Variants in PARD3 observed in about 807,000 individuals in gnomAD.
The protein encoded by PARD3 is partitioning defective 3 homolog.
In PARD3, 75 loss-of-function variants were observed where a neutral mutation model predicts 155.4. The observed-to-expected ratio is 0.48, with a 90% CI of 0.40 to 0.58. The LOEUF (loss-of-function observed/expected upper bound fraction) is 0.58, where lower values mean the gene tolerates loss of function less well. Ranked by LOEUF, PARD3 falls within the 20% of genes least tolerant of loss-of-function variation. PARD3 has a pLI of 0.00. For missense variants in PARD3, 1,642 were observed against 1,721.7 expected (o/e 0.95, Z 0.82); for synonymous variants, 576 against 610.5 (o/e 0.94, Z 0.83).
intron 2 of PARD3, among the ~76,000 whole-genome samples, chr10:34,589,883 T>C (rs1206691487): frequency 6.6e-6 from 1 of 152,150 alleles, no homozygotes; most frequent in South Asian, 2.1e-4. Context: ...ACAGTATTTA[T>C]TCATAATTTC....
At chr10:34,771,399 C>T (rs1054899653) in intron 1 of PARD3, among the ~76,000 whole-genome samples, 1 of 152,140 alleles carries the variant, frequency 6.6e-6, no homozygotes, top group African/African-American at 2.4e-5. Flanking sequence ...AGGGGTCCCA[C>T]GTGTAGCATA....
At chr10:34,182,742 TAA>T (rs11406207) in intron 22 of PARD3, among the ~76,000 whole-genome samples, 73 of 133,342 alleles carry the variant, frequency 5.5e-4, no homozygotes, top group South Asian at 5.0e-4. Flanking sequence ...CTACATTTCT[TAA>T]AAAAAAAAAA....
rs147606879 is a variant in PARD3 at position 34,607,882 on chromosome 10, C to A, written c.222+88436G>T. On this transcript the variant is annotated intron_variant, in intron 2 of 24. Transcript: ENST00000374788. ...TCAGAGCAGGCTTTGTGGATACCAC[C>A]CACCCTGGCATCAGCACAGATCTCC... is the stretch of plus-strand genomic sequence containing the variant. Among the ~76,000 whole-genome samples, 21 of 152,210 alleles carry A rather than the reference C, an allele frequency of 1.4e-4. 1 individual carries two copies. The highest frequency in any genetic ancestry group is 5.1e-4 in the African/African-American group (21 of 41,548).
In PARD3 at chr10:34,401,887, G is replaced by C. The variant is rs752134259; in HGVS notation, c.745C>G (p.Arg249Gly). 2 of 1,613,588 alleles carry C rather than the reference G, an allele frequency of 1.2e-6. No individual in the cohort carries two copies. The highest frequency in any genetic ancestry group is 2.2e-5 in the South Asian group (2 of 91,070). ...TCAGCATGTCCAACAGGTTCAACAC[G>C]ACTGTTATCCTCTTCTGTCCCATCC... ...DEDGTEEDNS[R>G]VEPVGHADTG... Residue 249 changes from arginine (R) to glycine (G), a missense_variant, in exon 6 of 25, where the codon CGT becomes GGT. Physicochemically the swap from Arg to Gly is moderately radical, Grantham distance 125. Around this residue, in one of 3 missense-constraint regions of PARD3, gnomAD observed 1,529 missense variants for 1,587.3 expected, o/e 0.96. Transcript: ENST00000374788.
In PARD3 at chr10:34,246,959, T is replaced by C. The variant is rs140192834; in HGVS notation, c.3419+22698A>G. ...CAATGAAGCCAGGTGTGGTGGTGCA[T>C]GCCTGTAGTCCCAGCTACTCAGGAG... On this transcript the variant is annotated intron_variant, in intron 22 of 24. Coordinates refer to ENST00000374788, the MANE Select transcript of PARD3 (RefSeq NM_001184785.2). Among the ~76,000 whole-genome samples the C allele has an allele frequency of 4.0e-3, 607 of 152,180 alleles. 3 individuals are homozygous for C. Among genetic ancestry groups the C allele is most frequent in the African/African-American group, 0.014 (581 of 41,520 alleles).
chr10:34,480,466 G>T (rs926264257), intron 3 of PARD3, among the ~76,000 whole-genome samples: 1 of 152,102 alleles, frequency 6.6e-6, no homozygotes. Flanking sequence ...ACAAACTCCT[G>T]GCCTCAAAGT....
At chr10:34,761,832 CA>C (rs1234586141) in intron 1 of PARD3, among the ~76,000 whole-genome samples, 1 of 151,810 alleles carries the variant, frequency 6.6e-6, no homozygotes, top group Non-Finnish European at 1.5e-5. Flanking sequence ...GTACAGCCAC[CA>C]AAAAAATTAT....
At chr10:34,204,200 G>A (rs1429097896) in intron 22 of PARD3, among the ~76,000 whole-genome samples, 2 of 152,154 alleles carry the variant, frequency 1.3e-5, no homozygotes, top group African/African-American at 4.8e-5. Flanking sequence ...AGTACCGTGT[G>A]GAACCTCTAT....
chr10:34,728,340 C>T (rs568026130), intron 1 of PARD3, among the ~76,000 whole-genome samples: 7 of 152,236 alleles, frequency 4.6e-5, no homozygotes, highest in East Asian at 3.9e-4. Context: ...AGGATTCTGA[C>T]GCTAAATGTC....
At chr10:34,397,467 A>G (rs1564667100) in intron 7 of PARD3, among the ~76,000 whole-genome samples, 2 of 152,210 alleles carry the variant, frequency 1.3e-5, no homozygotes, top group Non-Finnish European at 2.9e-5. Flanking sequence ...TGCCAAACTA[A>G]TAGGGCTTAA....
Position 34,637,678 on chromosome 10 carries a change from G to T in PARD3, c.222+58640C>A, listed in dbSNP as rs74132079. ...ATCACGCTGCCCCCCAGTGGGCACTGCCGGTACAGCAGCCCTAAAGAAGGG... is the reference window on the plus strand; with the variant it reads ...ATCACGCTGCCCCCCAGTGGGCACTTCCGGTACAGCAGCCCTAAAGAAGGG... On this transcript the variant is annotated intron_variant, in intron 2 of 24. Transcript: ENST00000374788. Among the ~76,000 whole-genome samples the T allele has an allele frequency of 7.8e-3, 1,194 of 152,322 alleles. 16 individuals carry two copies. Among genetic ancestry groups the T allele is most frequent in the African/African-American group, 0.027 (1,142 of 41,562 alleles).
intron 1 of PARD3, among the ~76,000 whole-genome samples, chr10:34,780,503 T>C (rs937086544): frequency 1.3e-5 from 2 of 152,246 alleles, no homozygotes; most frequent in African/African-American, 4.8e-5. Flanking sequence ...GAAAAATGTC[T>C]TATGAGCGTG....
intron 2 of PARD3, among the ~76,000 whole-genome samples, chr10:34,589,715 G>T (rs978957376): frequency 2.0e-4 from 18 of 91,876 alleles, no homozygotes; most frequent in Admixed American, 5.6e-4. Context: ...TGAACTCATT[G>T]TATCTTGTTA....
intron 20 of PARD3, among the ~76,000 whole-genome samples, chr10:34,290,654 G>GA (rs1956633764): frequency 6.6e-6 from 1 of 152,080 alleles, no homozygotes; most frequent in Admixed American, 6.6e-5. Context: ...CTACATATTT[G>GA]CACTATCACA....
intron 22 of PARD3, among the ~76,000 whole-genome samples, chr10:34,252,355 A>G (rs1954366239): frequency 6.6e-6 from 1 of 152,022 alleles, no homozygotes; most frequent in Admixed American, 6.6e-5. Flanking sequence ...GTGACGTCCC[A>G]GAATTTGCCT....
chr10:34,524,490 A>G (rs1162114205), intron 2 of PARD3, among the ~76,000 whole-genome samples: 1 of 152,200 alleles, frequency 6.6e-6, no homozygotes, highest in Admixed American at 6.5e-5. Context: ...TCACCCACTG[A>G]GCCTTCAGAC....
chr10:34,261,821 GAAAGAAAC>G lies in PARD3; in HGVS notation c.3419+7828_3419+7835del, dbSNP rs1178094919. ...AGAAAGAAAGAAAGAAAGAAAGAAAGAAAGAAACAAACAAACAAACAAACACACACACA... is the reference window on the plus strand; with the variant it reads ...AGAAAGAAAGAAAGAAAGAAAGAAAGAAACAAACAAACAAACACACACACA... On this transcript the variant is annotated intron_variant, in intron 22 of 24. Coordinates refer to ENST00000374788, the MANE Select transcript of PARD3 (RefSeq NM_001184785.2). Among the ~76,000 whole-genome samples, 649 of 102,842 alleles carry G rather than the reference GAAAGAAAC, an allele frequency of 6.3e-3. 4 individuals carry two copies. Among genetic ancestry groups the G allele is most frequent in the Middle Eastern group, 0.013 (2 of 158 alleles). The allele number at this position is 102,842 out of a possible 152,430, so 67.5% of individuals were successfully genotyped here.
At chr10:34,575,821 G>A (rs1336718738) in intron 2 of PARD3, among the ~76,000 whole-genome samples, 1 of 152,050 alleles carries the variant, frequency 6.6e-6, no homozygotes, top group African/African-American at 2.4e-5. Context: ...GCTTGAACCT[G>A]GAAGGTAGAG....
At chr10:34,463,802 A>G (rs990081736) in intron 4 of PARD3, among the ~76,000 whole-genome samples, 1 of 152,206 alleles carries the variant, frequency 6.6e-6, no homozygotes, top group African/African-American at 2.4e-5. Flanking sequence ...TACTTCTTCT[A>G]TGTTTAGATA....
Sources: gnomAD v4.1 joint callset for allele counts (sites outside exome capture counted in the v4.1 genomes callset) on GRCh38, gnomAD v4.1.1 for gene constraint, gnomAD v4.1.1 regional missense constraint, MANE v1.5 for transcripts, NCBI Gene and HGNC (gene_info 2026-07-23, HGNC 2026-07-21) for gene names.